The following FSHR variants were observed in gnomAD, a reference collection of about 807,000 sequenced individuals.
FSHR encodes follicle-stimulating hormone receptor.
In FSHR, 46 loss-of-function variants were observed where a neutral mutation model predicts 52.1. The observed-to-expected ratio is 0.88, with a 90% CI of 0.70 to 1.13. FSHR has a LOEUF of 1.13. FSHR is among the 50% of genes most tolerant of loss of function. The probability of loss-of-function intolerance (pLI) is 0.00; values close to 1 mark genes in which losing one functional copy is unlikely to be tolerated. For missense variants in FSHR, 964 were observed against 834.6 expected, an observed-to-expected ratio of 1.16 and a Z score of -1.91; for synonymous variants, 399 against 309.6, an observed-to-expected ratio of 1.29 and a Z score of -3.03.
At chr2:48,994,942 A>G (rs1465240365) in intron 4 of FSHR, among the ~76,000 whole-genome samples, 3 of 152,138 alleles carry the variant, frequency 2.0e-5, no homozygotes, top group Non-Finnish European at 4.4e-5. Context: ...CTTCTCTCCA[A>G]TCAGGATAAA....
intron 8 of FSHR, among the ~76,000 whole-genome samples, chr2:48,974,175 G>A (rs1674871654): frequency 6.6e-6 from 1 of 152,172 alleles, no homozygotes; most frequent in South Asian, 2.1e-4. Context: ...GTAAGTATAT[G>A]TGGCTGAGAA....
intron 1 of FSHR, among the ~76,000 whole-genome samples, chr2:49,134,606 A>G (rs1172358506): frequency 1.3e-5 from 2 of 152,222 alleles, no homozygotes; most frequent in Non-Finnish European, 2.9e-5. Context: ...CTATCAAGAC[A>G]CATGCACACA....
intron 2 of FSHR, among the ~76,000 whole-genome samples, chr2:49,021,863 C>CTATATATATATATA (rs1224896244): frequency 8.0e-5 from 4 of 49,868 alleles, no homozygotes; most frequent in African/African-American, 2.5e-4. Flanking sequence ...CTCTCTCTCT[C>CTATATATATATATA]TATATATATA....
chr2:49,109,019 A>G (rs1671332980), intron 1 of FSHR, among the ~76,000 whole-genome samples: 1 of 152,130 alleles, frequency 6.6e-6, no homozygotes. Context: ...ATGTCAGAGG[A>G]GATGTCTTCA....
chr2:49,087,447 G>A (rs1670442439), intron 1 of FSHR, among the ~76,000 whole-genome samples: 1 of 152,126 alleles, frequency 6.6e-6, no homozygotes, highest in Admixed American at 6.5e-5. Flanking sequence ...TATTCACTGT[G>A]TTCCTATTCA....
chr2:49,129,859 A>C (rs1440873715), intron 1 of FSHR, among the ~76,000 whole-genome samples: 1 of 152,232 alleles, frequency 6.6e-6, no homozygotes, highest in Non-Finnish European at 1.5e-5. Context: ...CAGGAAACTT[A>C]GAGTTGTAAA....
intron 4 of FSHR, among the ~76,000 whole-genome samples, chr2:48,998,889 A>AAGC (rs1265284709): frequency 1.3e-5 from 2 of 152,136 alleles, no homozygotes; most frequent in African/African-American, 4.8e-5. Flanking sequence ...GCAAATATCG[A>AAGC]AGCATATTAT....
At chr2:49,103,989 C>G (rs1055649795) in intron 1 of FSHR, among the ~76,000 whole-genome samples, 28 of 148,008 alleles carry the variant, frequency 1.9e-4, no homozygotes, top group African/African-American at 5.8e-4. Flanking sequence ...TTTTTTTATC[C>G]TCTAAAAAGA....
chr2:49,109,800 G>A (rs1671359569), intron 1 of FSHR, among the ~76,000 whole-genome samples: 1 of 152,080 alleles, frequency 6.6e-6, no homozygotes, highest in African/African-American at 2.4e-5. Flanking sequence ...GCTAAATTAG[G>A]AACGTGAAAA....
At chr2:49,105,264 C>T (rs1671182168) in intron 1 of FSHR, among the ~76,000 whole-genome samples, 1 of 152,104 alleles carries the variant, frequency 6.6e-6, no homozygotes, top group South Asian at 2.1e-4. Context: ...TCCCCTTTGC[C>T]TTGGTGTGCT....
chr2:48,979,365 C>G (rs548481534), intron 8 of FSHR, among the ~76,000 whole-genome samples: 1 of 152,134 alleles, frequency 6.6e-6, no homozygotes, highest in South Asian at 2.1e-4. Context: ...CACTAGAGCT[C>G]GGGAGTTTAA....
At chr2:49,063,668 A>G (rs950166473) in intron 2 of FSHR, among the ~76,000 whole-genome samples, 1 of 152,158 alleles carries the variant, frequency 6.6e-6, no homozygotes, top group Non-Finnish European at 1.5e-5. Flanking sequence ...GGAGGCAGGG[A>G]AGTCTATGTG....
chr2:49,075,905 G>A (rs537151890), intron 1 of FSHR, among the ~76,000 whole-genome samples: 5 of 152,252 alleles, frequency 3.3e-5, no homozygotes, highest in African/African-American at 1.2e-4. Flanking sequence ...TTCTCAAAGT[G>A]CTGGGATTAC....
At chr2:49,007,713 C>T (rs534147674) in intron 4 of FSHR, among the ~76,000 whole-genome samples, 46 of 152,126 alleles carry the variant, frequency 3.0e-4, no homozygotes, top group African/African-American at 5.5e-4. Flanking sequence ...TTAGGAATAA[C>T]GGAAAGGAAA....
intron 1 of FSHR, among the ~76,000 whole-genome samples, chr2:49,079,827 A>G (rs536288362): frequency 4.6e-5 from 7 of 152,122 alleles, no homozygotes; most frequent in Non-Finnish European, 1.0e-4. Flanking sequence ...AAAAAAACAC[A>G]CAAAAATCCC....
intron 4 of FSHR, among the ~76,000 whole-genome samples, chr2:49,017,260 G>A (rs1667521209): frequency 6.6e-6 from 1 of 152,088 alleles, no homozygotes. Flanking sequence ...AATGCAAATG[G>A]CATTTCTTAT....
chr2:49,094,712 A>AAAAAGAAG (rs1670757424), intron 1 of FSHR, among the ~76,000 whole-genome samples: 2 of 152,142 alleles, frequency 1.3e-5, no homozygotes, highest in African/African-American at 4.8e-5. Flanking sequence ...GCCTACGTTA[A>AAAAAGAAG]AAAAGAAGAA....
intron 9 of FSHR, among the ~76,000 whole-genome samples, chr2:48,966,649 T>C (rs1455725031): frequency 1.3e-5 from 2 of 152,236 alleles, no homozygotes; most frequent in Admixed American, 6.5e-5. Flanking sequence ...TACTATGATA[T>C]ACAATGAAAT....
intron 2 of FSHR, among the ~76,000 whole-genome samples, chr2:49,038,654 AATAATAATAAT>A (rs1280918831): frequency 2.0e-5 from 3 of 146,348 alleles, no homozygotes; most frequent in African/African-American, 7.5e-5. Context: ...TAATAATAAT[AATAATAATAAT>A]AATAATACTG....
Sources: allele counts gnomAD v4.1 joint callset (sites outside exome capture counted in the v4.1 genomes callset), GRCh38; gene constraint gnomAD v4.1.1; transcripts MANE v1.5; gene names NCBI Gene and HGNC (gene_info 2026-07-23, HGNC 2026-07-21).